KLHL5: variants seen among roughly 807,000 people sequenced by gnomAD.
The protein encoded by KLHL5 is kelch like family member 5.
KLHL5 carries 48 observed loss-of-function variants against 77.7 expected under a neutral mutation model. The ratio of observed to expected loss-of-function variants is 0.62; its 90% CI spans 0.49 to 0.79. The LOEUF is 0.79. Ranked by LOEUF, KLHL5 falls within the 30% of genes least tolerant of loss-of-function variation. The probability of loss-of-function intolerance (pLI) is 0.00; values close to 1 mark genes in which losing one functional copy is unlikely to be tolerated. For synonymous variants in KLHL5, 260 were observed against 297.0 expected, an observed-to-expected ratio of 0.88 and a Z score of 1.28; for missense variants, 723 against 859.7, an observed-to-expected ratio of 0.84 and a Z score of 1.99.
intron 7 of KLHL5, among the ~76,000 whole-genome samples, chr4:39,105,328 G>A (rs1370023394): frequency 6.6e-6 from 1 of 151,514 alleles, no homozygotes; most frequent in East Asian, 1.9e-4. Context: ...TTAATTTTTG[G>A]TGGAGACAGG....
chr4:39,067,386 A>T (rs1231502142), intron 1 of KLHL5, among the ~76,000 whole-genome samples: 2 of 152,166 alleles, frequency 1.3e-5, no homozygotes, highest in Non-Finnish European at 2.9e-5. Flanking sequence ...TCAAAGATAC[A>T]CACCATTAAT....
intron 1 of KLHL5, among the ~76,000 whole-genome samples, chr4:39,049,713 A>ATAAATAAATAAAT (rs1553885699): frequency 1.7e-4 from 3 of 18,122 alleles, no homozygotes; most frequent in African/African-American, 2.9e-4. Flanking sequence ...AAATAAATAA[A>ATAAATAAATAAAT]AAATAAATAA....
rs559347957 is a variant in KLHL5 at position 39,081,685 on chromosome 4, T to A, written c.704-278T>A. Among the ~76,000 whole-genome samples the A allele has an allele frequency of 3.2e-4, 49 of 151,286 alleles. No individual in the cohort carries two copies. Among genetic ancestry groups the A allele is most frequent in the African/African-American group, 1.1e-3 (46 of 41,244 alleles). On this transcript the variant is annotated intron_variant, in intron 3 of 10. Coordinates refer to ENST00000504108, the MANE Select transcript of KLHL5 (RefSeq NM_015990.5). This position sits in a 1 kb window ranked among gnomAD's most constrained non-coding sequence, Gnocchi z 4.3. ...ACCGTGTCTCAAAAAAAAAAAAAAA[T>A]TGAGAGTTATACAGGTATATAGTAG... is the stretch of plus-strand genomic sequence containing the variant.
In KLHL5 at chr4:39,076,053, G is replaced by A. The variant is rs749103206; in HGVS notation, c.472G>A (p.Glu158Lys). 37 of 1,609,456 alleles carry A rather than the reference G, an allele frequency of 2.3e-5. No individual in the cohort carries two copies. Among genetic ancestry groups the A allele is most frequent in the African/African-American group, 6.7e-5 (5 of 74,524 alleles). ...ATTTTTCCAAGCCCTTAATCATGCCGAGCAAACATTTAAAAAAATGGAAAA... is the reference window on the plus strand; with the variant it reads ...ATTTTTCCAAGCCCTTAATCATGCCAAGCAAACATTTAAAAAAATGGAAAA... ...DEFFQALNHA[E>K]QTFKKMENYL... The change falls in exon 2 of 11, where the codon GAG becomes AAG. Residue 158 changes from glutamate to lysine, a missense_variant. Glu to Lys is a moderately conservative substitution (Grantham distance 56, BLOSUM62 1). Coordinates refer to ENST00000504108, the MANE Select transcript of KLHL5 (RefSeq NM_015990.5).
At chr4:39,105,771 CACAT>C (rs1228852801) in intron 7 of KLHL5, among the ~76,000 whole-genome samples, 2 of 122,892 alleles carry the variant, frequency 1.6e-5, no homozygotes, top group South Asian at 2.6e-4. Flanking sequence ...CACACACACA[CACAT>C]AAAATCTCCA....
intron 1 of KLHL5, among the ~76,000 whole-genome samples, chr4:39,051,225 T>TC (rs1716618793): frequency 6.6e-6 from 1 of 152,244 alleles, no homozygotes; most frequent in African/African-American, 2.4e-5. Context: ...GTATGTAGCT[T>TC]CACTAGCAGA....
At chr4:39,134,061 G>T in the KLHL5 span, 1 of 152,110 alleles carries the variant, frequency 6.6e-6, no homozygotes, top group African/African-American at 2.4e-5. Context: ...CCAAGGTAAA[G>T]CTTCCAATGA....
At chr4:39,115,919 G>C in intron 10 of KLHL5, 1 of 988,576 alleles carries the variant, frequency 1.0e-6, no homozygotes, top group Non-Finnish European at 1.2e-6. Flanking sequence ...ACCAAGAACA[G>C]AATCAGGAAT....
At chr4:39,075,176 A>G (rs1718892851) in intron 1 of KLHL5, among the ~76,000 whole-genome samples, 1 of 151,998 alleles carries the variant, frequency 6.6e-6, no homozygotes, top group African/African-American at 2.4e-5. Context: ...TACTAAAAAT[A>G]CAAAAGTAGC....
chr4:39,115,956 C>T, intron 10 of KLHL5: 1 of 986,716 alleles, frequency 1.0e-6, no homozygotes, highest in Non-Finnish European at 1.2e-6. Flanking sequence ...CAGTTCAGTA[C>T]TTGGTACATA....
At chr4:39,107,772 CAA>C in intron 8 of KLHL5, 41 bp downstream of exon 8, 1 of 1,465,450 alleles carries the variant, frequency 6.8e-7, no homozygotes, top group Non-Finnish European at 9.4e-7. Context: ...TGCAATACAC[CAA>C]ATTTATTAAG....
In KLHL5 at chr4:39,082,149, A is replaced by G. The variant is rs1016101141; in HGVS notation, c.890A>G (p.Asn297Ser). ...ACAGATTTGCATAAAGTGGCTCACA[A>G]TTATACTATGGTATGTATTTTTTGA... Reference protein sequence around the residue: ...GCTDLHKVAHNYTMEHFMEVI... With the variant: ...GCTDLHKVAHSYTMEHFMEVI... The change falls in exon 4 of 11, where the codon AAT (asparagine) becomes AGT (serine). Residue 297 changes from asparagine (N) to serine (S), a missense_variant. By Grantham distance (46) the Asn-to-Ser change is conservative. Around this residue, in one of 3 missense-constraint regions of KLHL5, gnomAD observed 288 missense variants for 400.3 expected, o/e 0.72. Transcript: ENST00000504108. 1.2e-6 allele frequency: 2 copies of G among 1,601,038 alleles called. No homozygotes were observed. Among genetic ancestry groups the G allele is most frequent in the African/African-American group, 2.7e-5 (2 of 74,250 alleles).
At chr4:39,099,184 T>A (rs1340468707) in intron 6 of KLHL5, among the ~76,000 whole-genome samples, 1 of 151,890 alleles carries the variant, frequency 6.6e-6, no homozygotes, top group Non-Finnish European at 1.5e-5. Context: ...GCTACTCAGG[T>A]GGCTGAGGCA....
intron 4 of KLHL5, among the ~76,000 whole-genome samples, chr4:39,085,028 A>C (rs145459509): frequency 2.6e-5 from 4 of 152,190 alleles, no homozygotes; most frequent in Non-Finnish European, 5.9e-5. Context: ...ACAAATTATT[A>C]TTAAGGTTTA....
intron 4 of KLHL5, among the ~76,000 whole-genome samples, chr4:39,082,587 C>A (rs1399125718): frequency 6.6e-6 from 1 of 152,160 alleles, no homozygotes; most frequent in East Asian, 1.9e-4. Context: ...ATAAATCTGA[C>A]TATGTATAAA....
chr4:39,086,077 C>G (rs1720011223), intron 4 of KLHL5, among the ~76,000 whole-genome samples: 1 of 152,124 alleles, frequency 6.6e-6, no homozygotes, highest in Non-Finnish European at 1.5e-5. Context: ...GAGAAGTAAC[C>G]AAGCTCTCTA....
intron 5 of KLHL5, among the ~76,000 whole-genome samples, chr4:39,091,716 G>T (rs1173191660): frequency 6.7e-6 from 1 of 149,956 alleles, no homozygotes; most frequent in Non-Finnish European, 1.5e-5. Context: ...TGTCACCCAG[G>T]CTTGAGTGTA....
downstream of KLHL5, among the ~76,000 whole-genome samples, chr4:39,131,161 C>T (rs116029506): frequency 2.1e-3 from 316 of 152,034 alleles, 1 homozygote; most frequent in African/African-American, 7.2e-3. Context: ...CCTGACATTA[C>T]AAATCCTTTT....
chr4:39,052,253 A>C (rs1266007583), intron 1 of KLHL5, among the ~76,000 whole-genome samples: 3 of 151,798 alleles, frequency 2.0e-5, no homozygotes, highest in Non-Finnish European at 4.4e-5. Context: ...CCCGAGTAGC[A>C]GAGATTACAG....
Sources: allele counts gnomAD v4.1 joint callset (sites outside exome capture counted in the v4.1 genomes callset), GRCh38; gene constraint gnomAD v4.1.1; regional missense constraint gnomAD v4.1.1; non-coding constraint Gnocchi (gnomAD v3.1); transcripts MANE v1.5; gene names NCBI Gene and HGNC (gene_info 2026-07-23, HGNC 2026-07-21).